Variants in PIGG observed in about 807,000 individuals in gnomAD.
PIGG encodes the protein GPI ethanolamine phosphate transferase 2, catalytic subunit.
In PIGG, 70 loss-of-function variants were observed where a neutral mutation model predicts 83.2. That is an observed-to-expected ratio of 0.84 (90% CI 0.69 to 1.03). The LOEUF is 1.03. Among genes scored for constraint, PIGG ranks in the 50% least tolerant of loss-of-function variants. The pLI is 0.00. For synonymous variants in PIGG, 532 were observed against 519.5 expected (o/e 1.02, Z -0.33); for missense variants, 1,257 against 1,233.6 (o/e 1.02, Z -0.28).
intron 11 of PIGG, chr4:531,530 T>C (rs1243249112): frequency 1.3e-5 from 2 of 152,736 alleles, no homozygotes; most frequent in South Asian, 2.1e-4. Flanking sequence ...TGTGCAGTTC[T>C]TTGTGTCCCT....
intron 12 of PIGG, among the ~76,000 whole-genome samples, chr4:538,603 G>A (rs867498210): frequency 2.0e-5 from 3 of 152,160 alleles, no homozygotes; most frequent in Admixed American, 1.3e-4. Flanking sequence ...TACAGATGAC[G>A]GTGGCAGACA....
Position 527,212 on chromosome 4 carries a change from A to T in PIGG, c.2243A>T (p.Asp748Val). The stretch of plus-strand genomic sequence containing the variant: ...AGTGTCCGGTTCCCGTGGCGGCCGG[A>T]CAGCAAGGACATTTCCAAGTAAGTG... Reference protein sequence around the residue: ...IGSVRFPWRPDSKDISKGIIE... With the variant: ...IGSVRFPWRPVSKDISKGIIE... Residue 748 changes from aspartate to valine, a missense_variant, in exon 10 of 13, where the codon GAC becomes GTC. Transcript: ENST00000453061. 6.3e-7 allele frequency: 1 copy of T among 1,596,220 alleles called. No homozygotes were observed. Among genetic ancestry groups the T allele is most frequent in the South Asian group, 1.1e-5 (1 of 88,764 alleles).
In PIGG at chr4:508,798, G is replaced by A. The variant is rs374723294; in HGVS notation, c.760-31G>A. The A allele has an allele frequency of 2.6e-5, 42 of 1,609,402 alleles. 1 individual carries two copies. In the South Asian group the frequency reaches 2.8e-4, roughly 11 times the overall value. ...ATGATGTGCTCTCTTCAGTCTGAAC[G>A]CAGTTGAAATGTTTTTCCTTTGCCT... On this transcript the variant is annotated intron_variant, in intron 4 of 12. Transcript: ENST00000453061.
rs372969511 is a variant in PIGG, at chr4:534,298, G to A, written c.2735+317G>A. ...CACAGGAAGGAAAATTCCTTTTCCC[G>A]CCACTCCAGGTTTTTCTGTTTGCTG... On this transcript the variant is annotated intron_variant, in intron 12 of 12. Coordinates refer to ENST00000453061, the MANE Select transcript of PIGG (RefSeq NM_001127178.3). Among the ~76,000 whole-genome samples the A allele has an allele frequency of 1.5e-4, 23 of 152,294 alleles. No individual in the cohort carries two copies. In the South Asian group the frequency reaches 2.5e-3, roughly 16 times the overall value.
chr4:521,261 C>T lies in PIGG; in HGVS notation c.1320C>T (p.Val440=), dbSNP rs200541791. The change falls in exon 7 of 13, where the codon GTC becomes GTT. Residue 440 remains valine, a synonymous_variant. Transcript: ENST00000453061. ...TCTATTCGATGATGGTGGGGACTGT[C>T]GTGGTTTTGGAGGTACAGATGCTCA... ...YDIYSMMVGT[V]VVLEVLTLLL... is the part of the protein sequence containing the mutation. 1.1e-5 allele frequency: 17 copies of T among 1,612,344 alleles called. No individual in the cohort carries two copies. Among genetic ancestry groups the T allele is most frequent in the East Asian group, 6.7e-5 (3 of 44,848 alleles).
intron 8 of PIGG, 51 bp from the exon 9 acceptor site, chr4:523,408 T>TA (rs1726602512): frequency 7.8e-7 from 1 of 1,279,376 alleles, no homozygotes; most frequent in African/African-American, 1.5e-5. Context: ...TGCAGCAAGA[T>TA]GTGTGTCGTT....
chr4:527,027 A>C lies in PIGG; in HGVS notation c.2070-12A>C. 1 of 1,614,042 alleles carries C rather than the reference A, an allele frequency of 6.2e-7. No homozygotes were observed. The highest frequency in any genetic ancestry group is 8.5e-7 in the Non-Finnish European group (1 of 1,179,996). On this transcript the variant is annotated splice_polypyrimidine_tract_variant and intron_variant, in intron 9 of 12. Coordinates refer to ENST00000453061, the MANE Select transcript of PIGG (RefSeq NM_001127178.3). The stretch of plus-strand genomic sequence containing the variant: ...TGTTTACGTAATGCTGGCATTTTCC[A>C]TCTCATTTCAGCTCTGACCACAAAG...
At chr4:522,251 C>T (rs1309578822) in intron 8 of PIGG, 1 of 577,608 alleles carries the variant, frequency 1.7e-6, no homozygotes, top group Non-Finnish European at 3.1e-6. Context: ...ACAAGCCCCC[C>T]CGCTGAGGGG....
At chr4:500,341 T>C (rs1317486675) in intron 1 of PIGG, 55 bp from the exon 2 acceptor site, 1 of 1,279,214 alleles carries the variant, frequency 7.8e-7, no homozygotes, top group Non-Finnish European at 1.1e-6. Context: ...TGAAGGTGCT[T>C]GATGCTAAGG....
intron 2 of PIGG, chr4:501,204 G>T (rs2108753151): frequency 2.2e-6 from 1 of 454,220 alleles, no homozygotes; most frequent in African/African-American, 2.0e-5. Context: ...AAACTTTTGA[G>T]CAACGACTAT....
chr4:528,734 A>T lies in PIGG; in HGVS notation c.2261+1504A>T, dbSNP rs1209901814. The T allele has an allele frequency of 1.0e-6, 1 of 985,004 alleles. No individual in the cohort carries two copies. The highest frequency in any genetic ancestry group is 1.7e-5 in the African/African-American group (1 of 57,182). 61.0% of individuals were successfully genotyped at this position (985,004 alleles called of 1,614,324 possible). A position where few individuals can be genotyped will look rare whatever the true frequency, so the allele number is the denominator to read the frequency against. On this transcript the variant is annotated intron_variant, in intron 10 of 12. Transcript: ENST00000453061. The surrounding 1 kb of genome is among the most constrained non-coding windows in gnomAD (Gnocchi z 4.8). ...ATTTCCTCACAGATCTATACACTGA[A>T]TTTCAGCATCACTCATCTCAAGACC...
At chr4:524,290 A>G (rs921331435) in intron 9 of PIGG, among the ~76,000 whole-genome samples, 3 of 152,178 alleles carry the variant, frequency 2.0e-5, no homozygotes, top group Non-Finnish European at 4.4e-5. Context: ...CCCATCACTC[A>G]GTGTCTGCCT....
rs2108966785 is a variant in PIGG, at chr4:523,641, G to A, written c.1797G>A (p.Leu599=). The A allele has an allele frequency of 6.2e-7, 1 of 1,614,248 alleles. No homozygotes were observed. Among genetic ancestry groups the A allele is most frequent in the Non-Finnish European group, 8.5e-7 (1 of 1,180,048 alleles). The change falls in exon 9 of 13, where the codon CTG becomes CTA. Residue 599 remains leucine (L), a synonymous_variant. Coordinates refer to ENST00000453061, the MANE Select transcript of PIGG (RefSeq NM_001127178.3). ...LSQETYRNYF[L]GDDGEPPCGL... ...AAGAAACCTACAGAAACTACTTTCT[G>A]GGAGATGACGGTGAGCCTCCGTGTG... is the stretch of plus-strand genomic sequence containing the variant.
At chr4:501,871 T>A (rs1022244379) in intron 2 of PIGG, 1 of 152,142 alleles carries the variant, frequency 6.6e-6, no homozygotes, top group Non-Finnish European at 1.5e-5. Flanking sequence ...AAAATATGAA[T>A]CAATGAAGAT....
chr4:501,139 G>A (rs782451972), intron 2 of PIGG: 24 of 456,124 alleles, frequency 5.3e-5, no homozygotes, highest in Admixed American at 3.3e-4. Flanking sequence ...AGTACATAGT[G>A]CATTTCCCAA....
intron 4 of PIGG, among the ~76,000 whole-genome samples, chr4:507,884 T>C (rs1720352266): frequency 6.6e-6 from 1 of 152,210 alleles, no homozygotes; most frequent in Non-Finnish European, 1.5e-5. Context: ...TATCACTCTC[T>C]CTGTTCTGTG....
chr4:499,508 C>G lies in PIGG; in HGVS notation c.154+19C>G. On this transcript the variant is annotated intron_variant, in intron 1 of 12. Coordinates refer to ENST00000453061, the MANE Select transcript of PIGG (RefSeq NM_001127178.3). ...TCGGCTGGTACGGACCCCTCCCCGG[C>G]GTCTCCGCTCCCCTGACCCCACATC... The G allele has an allele frequency of 6.3e-7, 1 of 1,578,968 alleles. No homozygotes were observed. The highest frequency in any genetic ancestry group is 8.6e-7 in the Non-Finnish European group (1 of 1,169,232).
chr4:517,704 C>T (rs576069523), intron 6 of PIGG, among the ~76,000 whole-genome samples: 53 of 152,202 alleles, frequency 3.5e-4, no homozygotes, highest in African/African-American at 1.1e-3. Context: ...CCCTAGGCAG[C>T]AGACACTGCG....
In PIGG at chr4:523,662, G is replaced by C. The variant is rs748286066; in HGVS notation, c.1818G>C (p.Pro606=). Residue 606 remains proline, a synonymous_variant, in exon 9 of 13, where the codon CCG becomes CCC. Coordinates refer to ENST00000453061, the MANE Select transcript of PIGG (RefSeq NM_001127178.3). ...NYFLGDDGEP[P]CGLCVEQGHD... ...TTCTGGGAGATGACGGTGAGCCTCC[G>C]TGTGGCCTCTGTGTGGAACAAGGGC... The C allele has an allele frequency of 4.3e-6, 7 of 1,614,106 alleles. No homozygotes were observed. Among genetic ancestry groups the C allele is most frequent in the Non-Finnish European group, 5.9e-6 (7 of 1,179,970 alleles).
Sources: allele counts gnomAD v4.1 joint callset (sites outside exome capture counted in the v4.1 genomes callset), GRCh38; gene constraint gnomAD v4.1.1; non-coding constraint Gnocchi (gnomAD v3.1); transcripts MANE v1.5; gene names NCBI Gene and HGNC (gene_info 2026-07-23, HGNC 2026-07-21).